NOTCH2: variants seen among roughly 807,000 people sequenced by gnomAD.
The protein encoded by NOTCH2 is notch receptor 2.
NOTCH2 carries 29 observed loss-of-function variants against 235.8 expected under a neutral mutation model. The ratio of observed to expected loss-of-function variants is 0.12; its 90% confidence interval spans 0.09 to 0.17. The LOEUF (loss-of-function observed/expected upper bound fraction) is 0.17. NOTCH2 is among the 10% of genes least tolerant of loss of function. NOTCH2 has a pLI of 1.00. For synonymous variants in NOTCH2, 1,086 were observed against 1,141.5 expected (o/e 0.95, Z 0.98); for missense variants, 2,285 against 3,150.2 (o/e 0.73, Z 6.57).
chr1:119,995,917 C>G (rs1240722787), intron 4 of NOTCH2: 13 of 152,264 alleles, frequency 8.5e-5, no homozygotes, highest in Admixed American at 2.6e-4. Flanking sequence ...ATAAAACACA[C>G]AATCCCATTA....
At chr1:119,931,102 T>A (rs7414396) in intron 22 of NOTCH2, among the ~76,000 whole-genome samples, 21,776 of 126,336 alleles carry the variant, frequency 0.17, 2,526 homozygotes, top group African/African-American at 0.31. Flanking sequence ...GACTCTGTCT[T>A]AAAAAAAAAA....
chr1:119,967,100 T>G (rs1373986115), intron 8 of NOTCH2, among the ~76,000 whole-genome samples: 1 of 152,238 alleles, frequency 6.6e-6, no homozygotes, highest in African/African-American at 2.4e-5. Flanking sequence ...TGGAATGGTA[T>G]GGTATTTGTA....
In NOTCH2 at chr1:119,959,400, C is replaced by T; in HGVS notation, c.2018G>A (p.Gly673Glu). 6.3e-7 allele frequency: 1 copy of T among 1,593,734 alleles called. No homozygotes were observed. Among genetic ancestry groups the T allele is most frequent in the Non-Finnish European group, 8.6e-7 (1 of 1,161,544 alleles). Residue 673 changes from glycine to glutamate, a missense_variant, in exon 12 of 34, where the codon GGA (glycine) becomes GAA (glutamate). Gly to Glu is a moderately conservative substitution (Grantham distance 98, BLOSUM62 -2). Coordinates refer to ENST00000256646, the MANE Select transcript of NOTCH2 (RefSeq NM_024408.4). The part of the protein sequence containing the change: ...INRYSCVCSP[G>E]FTGQRCNIDI... ...AGTAAAAGGAGCTTTACCTGTGAAT[C>T]CTGGTGAGCAGACACAACTGTAGCG...
Position 119,926,489 on chromosome 1 carries a change from G to A in NOTCH2, c.4005+10C>T. 1 of 1,581,888 alleles carries A rather than the reference G, an allele frequency of 6.3e-7. No individual in the cohort carries two copies. The highest frequency in any genetic ancestry group is 8.6e-7 in the Non-Finnish European group (1 of 1,156,798). On this transcript the variant is annotated intron_variant, in intron 24 of 33. Coordinates refer to ENST00000256646, the MANE Select transcript of NOTCH2 (RefSeq NM_024408.4). The stretch of plus-strand genomic sequence containing the variant: ...AATGCCCCTTCTTAGATGAGCAACA[G>A]GGCACTTACCGGGGGACAACGGCAA...
intron 11 of NOTCH2, among the ~76,000 whole-genome samples, chr1:119,963,201 AG>A (rs1651009311): frequency 6.6e-6 from 1 of 151,784 alleles, no homozygotes; most frequent in African/African-American, 2.4e-5. Flanking sequence ...GAAGGAAGGA[AG>A]GAAGGAAGGA....
Position 119,915,052 on chromosome 1 carries a change from G to A in NOTCH2, c.*254C>T, listed in dbSNP as rs1402536290. Reference sequence around the variant, plus strand: ...CTCCAAATAGAAGAGAGTAAACATGGACCCAAGGCTTGTATTCATCTTGCA... The same window carrying A: ...CTCCAAATAGAAGAGAGTAAACATGAACCCAAGGCTTGTATTCATCTTGCA... On this transcript the variant is annotated 3_prime_UTR_variant, in exon 34 of 34. Coordinates refer to ENST00000256646, the MANE Select transcript of NOTCH2 (RefSeq NM_024408.4). 30 of 539,896 alleles carry A rather than the reference G, an allele frequency of 5.6e-5. No homozygotes were observed. The highest frequency in any genetic ancestry group is 6.4e-5 in the Non-Finnish European group (19 of 299,204). The allele number at this position is 539,896 out of a possible 1,614,324, so 33.4% of individuals were successfully genotyped here. A position where few individuals can be genotyped will look rare whatever the true frequency, so the allele number is the denominator to read the frequency against.
chr1:119,936,186 C>T (rs899830789), intron 21 of NOTCH2, among the ~76,000 whole-genome samples: 2 of 152,118 alleles, frequency 1.3e-5, no homozygotes, highest in Admixed American at 6.5e-5. Context: ...TATTTGGACA[C>T]TTTGACAGGT....
intron 2 of NOTCH2, among the ~76,000 whole-genome samples, chr1:120,013,947 T>A (rs1266559358): frequency 1.3e-5 from 2 of 151,426 alleles, no homozygotes; most frequent in Non-Finnish European, 2.9e-5. Context: ...AGCACACATT[T>A]TGGAAAATAG....
intron 18 of NOTCH2, 93 bp from the exon 19 acceptor site, chr1:119,940,849 G>C: frequency 8.7e-7 from 1 of 1,155,546 alleles, no homozygotes; most frequent in Non-Finnish European, 1.3e-6. Flanking sequence ...ATCATACAGA[G>C]GCAAATACCT....
Position 119,959,644 on chromosome 1 carries a change from T to C in NOTCH2, c.1916-142A>G. On this transcript the variant is annotated intron_variant, in intron 11 of 33. Transcript: ENST00000256646. ...CAGAATAAAGCAGAAGTTCTCAAAA[T>C]GCAGTCCACAGACTCGTTCAGGAAG... 8.6e-6 allele frequency: 6 copies of C among 696,490 alleles called. No homozygotes were observed. In the South Asian group the frequency reaches 9.0e-5, roughly 10 times the overall value. The allele number at this position is 696,490 out of a possible 1,614,324, so 43.1% of individuals were successfully genotyped here.
chr1:120,058,624 TGAG>T (rs1553215673), intron 1 of NOTCH2, among the ~76,000 whole-genome samples: 1 of 146,728 alleles, frequency 6.8e-6, no homozygotes, highest in Non-Finnish European at 1.5e-5. Context: ...ACCAAGTTTG[TGAG>T]GATTAAAGGA....
At position 119,963,766 on chromosome 1, in the gene NOTCH2, C is replaced by T. The variant is rs2101137367; in HGVS notation, c.1723G>A (p.Asp575Asn). ...VLCEENIDNC[D>N]PDPCHHGQCQ... ...TGACCATGGTGGCAAGGATCGGGGTCACAGTTGTCAATGTTCTCCTCACAC... is the reference window on the plus strand; with the variant it reads ...TGACCATGGTGGCAAGGATCGGGGTTACAGTTGTCAATGTTCTCCTCACAC... The change falls in exon 11 of 34, where the codon GAC (aspartate) becomes AAC (asparagine). Residue 575 changes from aspartate (D) to asparagine (N), a missense_variant. Asp to Asn is a conservative substitution (Grantham distance 23, BLOSUM62 1). Around this residue, in one of 6 missense-constraint regions of NOTCH2, gnomAD observed 431 missense variants for 757.8 expected, o/e 0.57. Coordinates refer to ENST00000256646, the MANE Select transcript of NOTCH2 (RefSeq NM_024408.4). The T allele has an allele frequency of 6.2e-7, 1 of 1,614,120 alleles. No homozygotes were observed. The highest frequency in any genetic ancestry group is 1.1e-5 in the South Asian group (1 of 91,086).
chr1:119,999,830 CG>C (rs1371940195), intron 3 of NOTCH2, among the ~76,000 whole-genome samples: 1 of 150,396 alleles, frequency 6.6e-6, no homozygotes, highest in East Asian at 2.0e-4. Context: ...TGCAGTGAGC[CG>C]AGACTGCGCC....
At chr1:119,996,714 C>T (rs1570727730) in intron 4 of NOTCH2, 2 of 1,212,520 alleles carry the variant, frequency 1.6e-6, no homozygotes. Context: ...TGTCCCTTTC[C>T]CAGAGCTCTG....
chr1:119,959,552 T>A, intron 11 of NOTCH2, 50 bp from the exon 12 acceptor site: 1 of 993,816 alleles, frequency 1.0e-6, no homozygotes. Context: ...ACAGAAATAC[T>A]AAGGCTTTCT....
chr1:120,037,157 T>TTC (rs1654337776), intron 1 of NOTCH2, among the ~76,000 whole-genome samples: 1 of 152,156 alleles, frequency 6.6e-6, no homozygotes, highest in Admixed American at 6.5e-5. Context: ...GTATCTGTGC[T>TTC]TAGACCCACT....
intron 3 of NOTCH2, among the ~76,000 whole-genome samples, chr1:120,004,720 G>T (rs1179419076): frequency 6.6e-6 from 1 of 152,186 alleles, no homozygotes; most frequent in African/African-American, 2.4e-5. Flanking sequence ...TTTTCCTCTG[G>T]TGACAGTGTA....
rs1648918398 is a variant in NOTCH2, at chr1:119,912,227, A to G, written c.*3079T>C. Reference sequence around the variant, plus strand: ...GTTACTGGGTTTCTCATACAAACAGATATAATATCACTTTTAAGAGAAATG... The same window carrying G: ...GTTACTGGGTTTCTCATACAAACAGGTATAATATCACTTTTAAGAGAAATG... On this transcript the variant is annotated 3_prime_UTR_variant, in exon 34 of 34. Transcript: ENST00000256646. 4.3e-6 allele frequency: 1 copy of G among 233,218 alleles called. No individual in the cohort carries two copies. Among genetic ancestry groups the G allele is most frequent in the African/African-American group, 2.2e-5 (1 of 45,324 alleles). 14.4% of individuals were successfully genotyped at this position (233,218 alleles called of 1,614,324 possible). A position where few individuals can be genotyped will look rare whatever the true frequency, so the allele number is the denominator to read the frequency against.
At chr1:120,012,003 G>A (rs587730304) in intron 2 of NOTCH2, among the ~76,000 whole-genome samples, 1 of 140,724 alleles carries the variant, frequency 7.1e-6, no homozygotes, top group Non-Finnish European at 1.5e-5. Context: ...GCGACAGAGC[G>A]AGACTCCCTC....
Sources: gnomAD v4.1 joint callset for allele counts (sites outside exome capture counted in the v4.1 genomes callset) on GRCh38, gnomAD v4.1.1 for gene constraint, gnomAD v4.1.1 regional missense constraint, MANE v1.5 for transcripts, NCBI Gene and HGNC (gene_info 2026-07-23, HGNC 2026-07-21) for gene names.